PDE7A: variants seen among roughly 807,000 people sequenced by gnomAD.
The protein encoded by PDE7A is high affinity 3',5'-cyclic-AMP phosphodiesterase 7A.
In PDE7A, 39 loss-of-function variants were observed where a neutral mutation model predicts 64.3. The ratio of observed to expected loss-of-function variants is 0.61; its 90% confidence interval spans 0.47 to 0.79. The LOEUF (loss-of-function observed/expected upper bound fraction) is 0.79, where lower values mean the gene tolerates loss of function less well. PDE7A is among the 30% of genes least tolerant of loss of function. PDE7A has a pLI of 0.00. For missense variants in PDE7A, 470 were observed against 582.8 expected, an observed-to-expected ratio of 0.81 and a Z score of 1.99; for synonymous variants, 203 against 206.8, an observed-to-expected ratio of 0.98 and a Z score of 0.16.
At chr8:65,720,675 T>C (rs1806336593) in intron 12 of PDE7A, 1 of 152,292 alleles carries the variant, frequency 6.6e-6, no homozygotes, top group Non-Finnish European at 1.5e-5. Flanking sequence ...CCCGGCACTA[T>C]GCCACGGTGG....
chr8:65,720,944 T>C (rs1187240274), intron 12 of PDE7A, among the ~76,000 whole-genome samples: 1 of 152,216 alleles, frequency 6.6e-6, no homozygotes, highest in Non-Finnish European at 1.5e-5. Context: ...TTTCATACCA[T>C]TCATCTTATT....
chr8:65,814,706 T>C lies in PDE7A; in HGVS notation c.138+26665A>G, dbSNP rs1810351301. On this transcript the variant is annotated intron_variant, in intron 1 of 12. Transcript: ENST00000401827. ...CCTTTAAGTGTATTTTATATCCTTC[T>C]AAATTATTTAATTTTGGCCAGGTGT... 1.3e-5 allele frequency among the ~76,000 whole-genome samples: 2 copies of C among 152,188 alleles called. 1 individual carries two copies. Among genetic ancestry groups the C allele is most frequent in the South Asian group, 4.1e-4 (2 of 4,822 alleles).
At chr8:65,801,688 C>T (rs1809991210) in intron 1 of PDE7A, among the ~76,000 whole-genome samples, 1 of 151,866 alleles carries the variant, frequency 6.6e-6, no homozygotes, top group African/African-American at 2.4e-5. Flanking sequence ...ATTTGATAAC[C>T]ATCAGCTAGG....
chr8:65,727,402 TCTC>T (rs1219140670), intron 7 of PDE7A, 101 bp from the exon 8 acceptor site: 133 of 1,516,964 alleles, frequency 8.8e-5, no homozygotes, highest in Admixed American at 1.4e-4. Flanking sequence ...GTGGTGGTAA[TCTC>T]CTCCCCCTTC....
In PDE7A at chr8:65,715,174, T is replaced by C. The variant is rs1256961918; in HGVS notation, c.*4116A>G. 1.3e-5 allele frequency among the ~76,000 whole-genome samples: 2 copies of C among 152,166 alleles called. No individual in the cohort carries two copies. Among genetic ancestry groups the C allele is most frequent in the Admixed American group, 6.5e-5 (1 of 15,284 alleles). Reference sequence around the variant, plus strand: ...TTACTTGCTTTTTAAAAAAGTAATCTTTTAAATATTTAACTGTTTCCTAAA... The same window carrying C: ...TTACTTGCTTTTTAAAAAAGTAATCCTTTAAATATTTAACTGTTTCCTAAA... On this transcript the variant is annotated 3_prime_UTR_variant, in exon 13 of 13. Transcript: ENST00000401827.
At position 65,717,205 on chromosome 8, in the gene PDE7A, G is replaced by C. The variant is rs576296500; in HGVS notation, c.*2085C>G. Among the ~76,000 whole-genome samples the C allele has an allele frequency of 2.6e-4, 39 of 152,240 alleles. No homozygotes were observed. The highest frequency in any genetic ancestry group is 9.1e-4 in the African/African-American group (38 of 41,536). ...TTCTATTGGACATCAACACTCTTCT[G>C]TACAAATAATATGTTAATGTGTTTG... On this transcript the variant is annotated 3_prime_UTR_variant, in exon 13 of 13. Coordinates refer to ENST00000401827, the MANE Select transcript of PDE7A (RefSeq NM_001242318.3).
Position 65,771,905 on chromosome 8 carries a change from A to AG in PDE7A, c.283+7814_283+7815insC, listed in dbSNP as rs1174962650. On this transcript the variant is annotated intron_variant, in intron 3 of 12. Transcript: ENST00000401827. Reference sequence around the variant, plus strand: ...CTCTCAAAAAAAAAAAAAAAAAAAAAAAGAAGAAGAAGAAAGAAGGAAATA... The same window carrying AG: ...CTCTCAAAAAAAAAAAAAAAAAAAAAGAAGAAGAAGAAGAAAGAAGGAAATA... Among the ~76,000 whole-genome samples the AG allele has an allele frequency of 5.3e-3, 764 of 145,196 alleles. 1 individual carries two copies. The highest frequency in any genetic ancestry group is 0.018 in the African/African-American group (647 of 36,250).
At chr8:65,804,471 G>T (rs1810065821) in intron 1 of PDE7A, among the ~76,000 whole-genome samples, 1 of 150,612 alleles carries the variant, frequency 6.6e-6, no homozygotes, top group Admixed American at 6.6e-5. Flanking sequence ...CTTATTTCAA[G>T]ATTTACTGGA....
rs1051007141 is a variant in PDE7A at position 65,717,881 on chromosome 8, G to A, written c.*1409C>T. 5 of 152,030 alleles carry A rather than the reference G, an allele frequency of 3.3e-5. No individual in the cohort carries two copies. Among genetic ancestry groups the A allele is most frequent in the East Asian group, 1.9e-4 (1 of 5,198 alleles). 9.4% of individuals were successfully genotyped at this position (152,030 alleles called of 1,614,324 possible). ...TACAAATGAACTAAAAGAAAGCACC[G>A]GTTTCTCTTAAAACTAGATTACAGT... On this transcript the variant is annotated 3_prime_UTR_variant, in exon 13 of 13. Coordinates refer to ENST00000401827, the MANE Select transcript of PDE7A (RefSeq NM_001242318.3).
intron 3 of PDE7A, among the ~76,000 whole-genome samples, chr8:65,758,209 T>A (rs530826068): frequency 2.0e-5 from 3 of 152,328 alleles, no homozygotes; most frequent in East Asian, 3.9e-4. Context: ...AACAGCCGTA[T>A]TCACTCTCAG....
intron 6 of PDE7A, among the ~76,000 whole-genome samples, chr8:65,735,753 G>A (rs1585844490): frequency 6.6e-6 from 1 of 152,098 alleles, no homozygotes; most frequent in African/African-American, 2.4e-5. Context: ...AGCCACCCGA[G>A]TAGCTGGGAT....
chr8:65,801,848 A>G (rs1809994774), intron 1 of PDE7A, among the ~76,000 whole-genome samples: 1 of 152,224 alleles, frequency 6.6e-6, no homozygotes, highest in Non-Finnish European at 1.5e-5. Context: ...GCAGTTTAGT[A>G]AGGTTCAGGA....
rs185914320 is a variant in PDE7A, at chr8:65,836,891, G to A, written c.138+4480C>T. Among the ~76,000 whole-genome samples, 10 of 152,198 alleles carry A rather than the reference G, an allele frequency of 6.6e-5. No homozygotes were observed. The East Asian group carries it at 1.7e-3, about 26-fold the overall frequency. ...ACTGGACATCTCTGATCATATCCAC[G>A]TGGGCCATCCTCCTTCCTCCTCCCC... On this transcript the variant is annotated intron_variant, in intron 1 of 12. Transcript: ENST00000401827.
intron 3 of PDE7A, among the ~76,000 whole-genome samples, chr8:65,767,630 G>C (rs1027524112): frequency 1.3e-5 from 2 of 152,158 alleles, no homozygotes; most frequent in Non-Finnish European, 2.9e-5. Context: ...TCTGGGGGAA[G>C]GAATGCTGAC....
chr8:65,773,636 TA>T (rs2128921720), intron 3 of PDE7A, among the ~76,000 whole-genome samples: 1 of 152,384 alleles, frequency 6.6e-6, no homozygotes, highest in African/African-American at 2.4e-5. Flanking sequence ...AAGGAATATT[TA>T]ACCCATTTAT....
chr8:65,777,348 G>C (rs922275999), intron 3 of PDE7A, among the ~76,000 whole-genome samples: 4 of 151,878 alleles, frequency 2.6e-5, no homozygotes, highest in African/African-American at 9.7e-5. Context: ...CAAAGTGCTG[G>C]GATTACAAGC....
intron 7 of PDE7A, among the ~76,000 whole-genome samples, chr8:65,733,875 C>T (rs959489222): frequency 6.6e-6 from 1 of 152,110 alleles, no homozygotes; most frequent in African/African-American, 2.4e-5. Flanking sequence ...CGCCTAACAC[C>T]TTAGCCAGAA....
chr8:65,774,301 G>A (rs996943084), intron 3 of PDE7A, among the ~76,000 whole-genome samples: 1 of 139,938 alleles, frequency 7.1e-6, no homozygotes, highest in African/African-American at 3.1e-5. Flanking sequence ...TTTTTGTACT[G>A]ACATTTATAG....
chr8:65,754,417 T>A (rs1339811464), intron 3 of PDE7A, among the ~76,000 whole-genome samples: 1 of 151,898 alleles, frequency 6.6e-6, no homozygotes, highest in East Asian at 2.0e-4. Flanking sequence ...CCCATTCTTT[T>A]ACTTTCAACC....
Sources: allele counts gnomAD v4.1 joint callset (sites outside exome capture counted in the v4.1 genomes callset), GRCh38; gene constraint gnomAD v4.1.1; transcripts MANE v1.5; gene names NCBI Gene and HGNC (gene_info 2026-07-23, HGNC 2026-07-21).